Variants in BOD1L1 observed in about 807,000 individuals in gnomAD.
The protein encoded by BOD1L1 is biorientation of chromosomes in cell division protein 1-like 1.
In BOD1L1, 86 loss-of-function variants were observed where a neutral mutation model predicts 240.7. The ratio of observed to expected loss-of-function variants is 0.36; its 90% CI spans 0.30 to 0.43. The LOEUF is 0.43. BOD1L1 is among the 20% of genes least tolerant of loss of function. BOD1L1 has a pLI of 1.00. For missense variants in BOD1L1, 3,554 were observed against 3,643.5 expected (o/e 0.98, Z 0.63); for synonymous variants, 1,268 against 1,272.3 (o/e 1.00, Z 0.07).
At chr4:13,598,879 T>C in intron 10 of BOD1L1, 67 bp downstream of exon 10, 1 of 1,472,414 alleles carries the variant, frequency 6.8e-7, no homozygotes, top group Admixed American at 2.2e-5. Flanking sequence ...AAGACTGTCC[T>C]AAATGCACTC....
At position 13,576,967 on chromosome 4, in the gene BOD1L1, C is replaced by T. The variant is rs140335847; in HGVS notation, c.8909G>A (p.Arg2970His). Reference protein sequence around the residue: ...DAESSEPERKRQKSVSDPVED... With the variant: ...DAESSEPERKHQKSVSDPVED... ...CACTGGATCAGAAACTGATTTCTGG[C>T]GTTTTCTTTCTGGCTCTGAGGATTC... The change falls in exon 25 of 26, where the codon CGC (arginine) becomes CAC (histidine). Residue 2970 changes from arginine to histidine, a missense_variant. Around this residue, in one of 2 missense-constraint regions of BOD1L1, gnomAD observed 3,393 missense variants for 3,427.1 expected, o/e 0.99. Transcript: ENST00000040738. 40 of 1,613,738 alleles carry T rather than the reference C, an allele frequency of 2.5e-5. No homozygotes were observed. Among genetic ancestry groups the T allele is most frequent in the Admixed American group, 1.8e-4 (11 of 59,970 alleles).
chr4:13,619,706 T>C (rs1716900811), intron 2 of BOD1L1, among the ~76,000 whole-genome samples: 1 of 152,212 alleles, frequency 6.6e-6, no homozygotes, highest in Non-Finnish European at 1.5e-5. Context: ...GTTATTTCCT[T>C]CCTTCAAATA....
chr4:13,596,656 A>G (rs1229340911), intron 11 of BOD1L1, among the ~76,000 whole-genome samples: 1 of 152,088 alleles, frequency 6.6e-6, no homozygotes, highest in Non-Finnish European at 1.5e-5. Context: ...GAGCAATGAC[A>G]GGGCCTAAGT....
At chr4:13,582,157 A>T (rs745945591) in intron 19 of BOD1L1, 80 bp downstream of exon 19, 1 of 1,209,928 alleles carries the variant, frequency 8.3e-7, no homozygotes, top group Non-Finnish European at 1.2e-6. Flanking sequence ...AGAAAAACTC[A>T]AGATAACAGT....
intron 25 of BOD1L1, among the ~76,000 whole-genome samples, chr4:13,571,908 C>T (rs927544500): frequency 6.6e-6 from 1 of 152,116 alleles, no homozygotes; most frequent in South Asian, 2.1e-4. Context: ...AGTTTGCTTT[C>T]GTTTCTAGAA....
chr4:13,588,185 C>CA (rs201474701), intron 15 of BOD1L1, among the ~76,000 whole-genome samples: 15,197 of 76,212 alleles, frequency 0.2, 1,122 homozygotes, highest in Middle Eastern at 0.35. Context: ...GAGACTGTTT[C>CA]AAAAAAAAAA....
chr4:13,598,853 C>A, intron 10 of BOD1L1, 93 bp downstream of exon 10: 2 of 1,330,214 alleles, frequency 1.5e-6, no homozygotes, highest in Non-Finnish European at 2.0e-6. Context: ...TTTCTGGAAC[C>A]AAAACCATCT....
chr4:13,605,456 A>C (rs748087563), intron 9 of BOD1L1, among the ~76,000 whole-genome samples: 4 of 152,232 alleles, frequency 2.6e-5, no homozygotes, highest in African/African-American at 4.8e-5. Flanking sequence ...GTAGCTCAGC[A>C]TGATTCTATA....
chr4:13,569,974 G>A lies in BOD1L1; in HGVS notation c.*37C>T, dbSNP rs200736085. On this transcript the variant is annotated 3_prime_UTR_variant, in exon 26 of 26. Coordinates refer to ENST00000040738, the MANE Select transcript of BOD1L1 (RefSeq NM_148894.3). ...AAGGCATGTCTCTTTCCTCTCCACC[G>A]TGTTCCTCCATAAGCCTAGGGCAGC... 276 of 1,443,576 alleles carry A rather than the reference G, an allele frequency of 1.9e-4. No homozygotes were observed. Among genetic ancestry groups the A allele is most frequent in the Non-Finnish European group, 2.4e-4 (260 of 1,079,426 alleles). 89.4% of individuals were successfully genotyped at this position (1,443,576 alleles called of 1,614,324 possible).
chr4:13,597,907 C>G (rs1259557118), intron 10 of BOD1L1, among the ~76,000 whole-genome samples: 1 of 152,152 alleles, frequency 6.6e-6, no homozygotes, highest in African/African-American at 2.4e-5. Context: ...AATCTATTAG[C>G]CTCAGCTTCC....
intron 25 of BOD1L1, among the ~76,000 whole-genome samples, chr4:13,572,420 T>C (rs573483771): frequency 3.3e-4 from 51 of 152,252 alleles, no homozygotes; most frequent in African/African-American, 1.2e-3. Flanking sequence ...TTAAATGCTT[T>C]ACCACACTGC....
At chr4:13,606,127 G>T (rs1419061328) in intron 9 of BOD1L1, among the ~76,000 whole-genome samples, 1 of 152,040 alleles carries the variant, frequency 6.6e-6, no homozygotes, top group Non-Finnish European at 1.5e-5. Flanking sequence ...TAATAACAGG[G>T]TCCAGGACAT....
At position 13,586,386 on chromosome 4, in the gene BOD1L1, G is replaced by C. The variant is rs767915715; in HGVS notation, c.8433+10C>G. The C allele has an allele frequency of 3.1e-6, 5 of 1,601,198 alleles. No individual in the cohort carries two copies. The highest frequency in any genetic ancestry group is 4.3e-6 in the Non-Finnish European group (5 of 1,170,812). On this transcript the variant is annotated intron_variant, in intron 17 of 25. Coordinates refer to ENST00000040738, the MANE Select transcript of BOD1L1 (RefSeq NM_148894.3). Reference sequence around the variant, plus strand: ...ACCCAAAACTTAAAACTAATATGTGGAAAAAATACCTTTGTGTCATGTGGC... The same window carrying C: ...ACCCAAAACTTAAAACTAATATGTGCAAAAAATACCTTTGTGTCATGTGGC...
intron 17 of BOD1L1, among the ~76,000 whole-genome samples, chr4:13,584,527 C>T (rs1713519848): frequency 6.8e-6 from 1 of 146,094 alleles, no homozygotes; most frequent in African/African-American, 2.5e-5. Context: ...GGGTCTTCTC[C>T]CTCATTTCAG....
rs536206272 is a variant in BOD1L1, at chr4:13,586,268, G to T, written c.8433+128C>A. 212 of 470,074 alleles carry T rather than the reference G, an allele frequency of 4.5e-4. 5 individuals carry two copies. The South Asian group carries it at 0.01, about 23-fold the overall frequency. 29.1% of individuals were successfully genotyped at this position (470,074 alleles called of 1,614,324 possible). ...AAATAGACACCTTTTATAATAAAGT[G>T]ATTATTATTAGAGACATTTAAAGAG... On this transcript the variant is annotated intron_variant, in intron 17 of 25. Transcript: ENST00000040738.
Position 13,600,620 on chromosome 4 carries a change from C to G in BOD1L1, c.6280G>C (p.Gly2094Arg), listed in dbSNP as rs1315336370. Residue 2094 changes from glycine to arginine, a missense_variant, in exon 10 of 26, where the codon GGT (glycine) becomes CGT (arginine). Gly to Arg is a moderately radical substitution (Grantham distance 125, BLOSUM62 -2). Transcript: ENST00000040738. ...QVSAITDVEG[G>R]LSDALRTEEN... ...TCAGTTCTCAGAGCATCTGAGAGACCTCCTTCCACATCTGTAATTGCGCTT... is the reference window on the plus strand; with the variant it reads ...TCAGTTCTCAGAGCATCTGAGAGACGTCCTTCCACATCTGTAATTGCGCTT... 6.2e-7 allele frequency: 1 copy of G among 1,613,828 alleles called. No homozygotes were observed. Among genetic ancestry groups the G allele is most frequent in the South Asian group, 1.1e-5 (1 of 91,064 alleles).
At chr4:13,623,495 C>G (rs903867569) in intron 1 of BOD1L1, 5 of 152,234 alleles carry the variant, frequency 3.3e-5, no homozygotes, top group African/African-American at 1.2e-4. Flanking sequence ...ACTAAGCTTG[C>G]TCCAGAGATC....
intron 7 of BOD1L1, 75 bp from the exon 8 acceptor site, chr4:13,608,743 A>G (rs1241649089): frequency 1.6e-6 from 2 of 1,256,200 alleles, no homozygotes; most frequent in African/African-American, 3.1e-5. Flanking sequence ...TTTCATTAAG[A>G]TTTTTCTAAT....
At chr4:13,585,799 C>A (rs1037135275) in intron 17 of BOD1L1, among the ~76,000 whole-genome samples, 2 of 152,286 alleles carry the variant, frequency 1.3e-5, no homozygotes, top group Middle Eastern at 6.8e-3. Context: ...CTCCTGAGAT[C>A]TAATGCTTTT....
Sources: gnomAD v4.1 joint callset for allele counts (sites outside exome capture counted in the v4.1 genomes callset) on GRCh38, gnomAD v4.1.1 for gene constraint, gnomAD v4.1.1 regional missense constraint, MANE v1.5 for transcripts, NCBI Gene and HGNC (gene_info 2026-07-23, HGNC 2026-07-21) for gene names.